ABCA13: variants seen among roughly 807,000 people sequenced by gnomAD.
ABCA13 encodes ATP binding cassette subfamily A member 13, also known as ATP-binding cassette sub-family A member 13.
ABCA13 carries 476 observed loss-of-function variants against 478.7 expected under a neutral mutation model. That is an observed-to-expected ratio of 0.99 (90% CI 0.92 to 1.07). ABCA13 has a LOEUF of 1.07. Among genes scored for constraint, ABCA13 ranks in the 50% least tolerant of loss-of-function variants. The pLI is 0.00. For missense variants in ABCA13, 6,060 were observed against 5,910.6 expected (o/e 1.03, Z -0.83); for synonymous variants, 2,252 against 2,158.9 (o/e 1.04, Z -1.20).
At chr7:48,476,756 A>G (rs1828138291) in intron 45 of ABCA13, among the ~76,000 whole-genome samples, 1 of 152,150 alleles carries the variant, frequency 6.6e-6, no homozygotes, top group Non-Finnish European at 1.5e-5. Context: ...GAAACTTCTA[A>G]GGAAATATAT....
chr7:48,313,184 C>A lies in ABCA13; in HGVS notation c.9634C>A (p.His3212Asn), dbSNP rs377099527. Reference sequence around the variant, plus strand: ...CTTTGAGTATCTTCCTGAGTTTCTTCACACATTTAAAATCACTGCCTTGCT... The same window carrying A: ...CTTTGAGTATCTTCCTGAGTTTCTTAACACATTTAAAATCACTGCCTTGCT... ...HVFEYLPEFL[H>N]TFKITALLET... Residue 3212 changes from histidine to asparagine, a missense_variant, in exon 25 of 62, where the codon CAC becomes AAC. Coordinates refer to ENST00000435803, the MANE Select transcript of ABCA13 (RefSeq NM_152701.5). 6.2e-7 allele frequency: 1 copy of A among 1,612,612 alleles called. No homozygotes were observed. The highest frequency in any genetic ancestry group is 1.7e-5 in the Admixed American group (1 of 59,874).
Position 48,412,515 on chromosome 7 carries a change from G to T in ABCA13, c.12391G>T (p.Ala4131Ser), listed in dbSNP as rs773428244. 8 of 1,613,446 alleles carry T rather than the reference G, an allele frequency of 5.0e-6. No homozygotes were observed. In the South Asian group the frequency reaches 8.8e-5, roughly 18 times the overall value. ...GGCCTGCTTGAAAGGGCTCTTCCAG[G>T]CCCTGGATGAGAACCTGCATCAGCT... ...DKACLKGLFQ[A>S]LDENLHQLHL... Residue 4131 changes from alanine to serine, a missense_variant, in exon 41 of 62, where the codon GCC (alanine) becomes TCC (serine). Ala to Ser is a moderately conservative substitution (Grantham distance 99). Transcript: ENST00000435803.
chr7:48,640,618 A>G (rs1410592692), intron 59 of ABCA13, among the ~76,000 whole-genome samples: 1 of 152,240 alleles, frequency 6.6e-6, no homozygotes, highest in Non-Finnish European at 1.5e-5. Flanking sequence ...ATGAGTGAAC[A>G]TAGAAATAAA....
In ABCA13 at chr7:48,508,155, T is replaced by C. The variant is rs1018825606; in HGVS notation, c.13524+106T>C. ...TTGGGGCCCTGGCTGCCTTGGAGTG[T>C]CCACAAAAAGGGGTCATCTTATTGA... On this transcript the variant is annotated intron_variant, in intron 50 of 61. Coordinates refer to ENST00000435803, the MANE Select transcript of ABCA13 (RefSeq NM_152701.5). 4.3e-5 allele frequency: 61 copies of C among 1,415,766 alleles called. No homozygotes were observed. The Admixed American group carries it at 1.2e-3, about 29-fold the overall frequency. The allele number at this position is 1,415,766 out of a possible 1,614,324, so 87.7% of individuals were successfully genotyped here. A position where few individuals can be genotyped will look rare whatever the true frequency, so the allele number is the denominator to read the frequency against.
At chr7:48,316,070 G>C (rs1190255089) in intron 26 of ABCA13, among the ~76,000 whole-genome samples, 3 of 152,040 alleles carry the variant, frequency 2.0e-5, no homozygotes, top group African/African-American at 7.2e-5. Flanking sequence ...ATAAGATTTA[G>C]TTCCTACTCA....
At chr7:48,264,795 T>A (rs1275101257) in intron 15 of ABCA13, among the ~76,000 whole-genome samples, 3 of 151,704 alleles carry the variant, frequency 2.0e-5, no homozygotes, top group African/African-American at 4.8e-5. Context: ...TTGTTTATTT[T>A]TTTTGTTTGT....
intron 29 of ABCA13, among the ~76,000 whole-genome samples, chr7:48,341,853 T>A (rs1462108069): frequency 7.1e-6 from 1 of 140,632 alleles, no homozygotes; most frequent in African/African-American, 2.6e-5. Context: ...TATATATCTT[T>A]CTGATATATA....
rs1585871977 is a variant in ABCA13 at position 48,580,243 on chromosome 7, TCTGCTGGCACGGCAGG to T, written c.14376_14391del (p.Ala4793CysfsTer16). On this transcript the variant is annotated frameshift_variant, in exon 56 of 62. Transcript: ENST00000435803. LOFTEE classifies it high-confidence loss of function. ...CTGCAGAGACGCCGTGGACCTGTCTTCTGCTGGCACGGCAGGCGTGCTCATTGGCTACTGTCCCCAG... is the reference window on the plus strand; with the variant it reads ...CTGCAGAGACGCCGTGGACCTGTCTTCGTGCTCATTGGCTACTGTCCCCAG... 20 of 1,611,366 alleles carry T rather than the reference TCTGCTGGCACGGCAGG, an allele frequency of 1.2e-5. No homozygotes were observed. Among genetic ancestry groups the T allele is most frequent in the Non-Finnish European group, 1.7e-5 (20 of 1,178,924 alleles).
At chr7:48,255,154 A>T (rs1481877835) in intron 15 of ABCA13, among the ~76,000 whole-genome samples, 1 of 152,166 alleles carries the variant, frequency 6.6e-6, no homozygotes, top group Non-Finnish European at 1.5e-5. Context: ...CAAAGCTGTC[A>T]TGTCACTAAC....
At chr7:48,462,119 TC>T (rs1826312946) in intron 43 of ABCA13, among the ~76,000 whole-genome samples, 1 of 152,182 alleles carries the variant, frequency 6.6e-6, no homozygotes, top group African/African-American at 2.4e-5. Context: ...AGAGAAAGTT[TC>T]TTCTCTTGTA....
Position 48,242,038 on chromosome 7 carries a change from A to T in ABCA13, c.1262+972A>T, listed in dbSNP as rs142280115. Reference sequence around the variant, plus strand: ...ATGCCTTGAAGTAGTGTTCTAGGCAAAGGGCAGGGACAAAACATCTGTCAT... The same window carrying T: ...ATGCCTTGAAGTAGTGTTCTAGGCATAGGGCAGGGACAAAACATCTGTCAT... On this transcript the variant is annotated intron_variant, in intron 10 of 61. Coordinates refer to ENST00000435803, the MANE Select transcript of ABCA13 (RefSeq NM_152701.5). Among the ~76,000 whole-genome samples the T allele has an allele frequency of 1.9e-4, 29 of 152,326 alleles. No individual in the cohort carries two copies. In the East Asian group the frequency reaches 5.6e-3, roughly 29 times the overall value.
chr7:48,275,475 G>T lies in ABCA13; in HGVS notation c.5809G>T (p.Asp1937Tyr), dbSNP rs781221624. 6.2e-7 allele frequency: 1 copy of T among 1,613,826 alleles called. No homozygotes were observed. Among genetic ancestry groups the T allele is most frequent in the Non-Finnish European group, 8.5e-7 (1 of 1,179,856 alleles). The stretch of plus-strand genomic sequence containing the variant: ...CCCACCTTCAATAAATCAAACTAGG[G>T]ATAGCATCTCTGAACTCTGTCCTAG... ...FVPPSINQTR[D>Y]SISELCPSGS... The change falls in exon 17 of 62, where the codon GAT becomes TAT. Residue 1937 changes from aspartate (D) to tyrosine (Y), a missense_variant. Around this residue, in one of 3 missense-constraint regions of ABCA13, gnomAD observed 4,423 missense variants for 4,309.1 expected, o/e 1.03. Coordinates refer to ENST00000435803, the MANE Select transcript of ABCA13 (RefSeq NM_152701.5).
intron 39 of ABCA13, among the ~76,000 whole-genome samples, chr7:48,407,334 G>T (rs187207587): frequency 6.6e-6 from 1 of 151,658 alleles, no homozygotes; most frequent in East Asian, 2.0e-4. Context: ...AAATTAACCA[G>T]GTGTGGTGGT....
rs1378821703 is a variant in ABCA13 at position 48,278,706 on chromosome 7, G to A, written c.7512G>A (p.Met2504Ile). The A allele has an allele frequency of 1.9e-6, 3 of 1,613,918 alleles. No individual in the cohort carries two copies. Among genetic ancestry groups the A allele is most frequent in the Non-Finnish European group, 2.5e-6 (3 of 1,179,804 alleles). Residue 2504 changes from methionine to isoleucine, a missense_variant, in exon 18 of 62, where the codon ATG becomes ATA. Transcript: ENST00000435803. ...TAGAAATGTCTGGGACTCTGGTCAT[G>A]CTGTTGAATGACAGTGCTGACCTGA... ...PLLEMSGTLV[M>I]LLNDSADLRD...
Position 48,293,192 on chromosome 7 carries a change from G to GCCCCCCCCCCCCCCC in ABCA13, c.8956-2498_8956-2497insCCCCCCCCCCCCCCC, listed in dbSNP as rs367570188. Among the ~76,000 whole-genome samples the GCCCCCCCCCCCCCCC allele has an allele frequency of 6.0e-4, 65 of 108,262 alleles. 6 individuals carry two copies. The highest frequency in any genetic ancestry group is 1.7e-3 in the East Asian group (4 of 2,412). 71.0% of individuals were successfully genotyped at this position (108,262 alleles called of 152,430 possible). A position where few individuals can be genotyped will look rare whatever the true frequency, so the allele number is the denominator to read the frequency against. On this transcript the variant is annotated intron_variant, in intron 20 of 61. Transcript: ENST00000435803. ...TTCATCATTTCCTGAGAAGTCTTCA[G>GCCCCCCCCCCCCCCC]CCCCCCCCCCGCCACACACACACTA...
At chr7:48,257,378 C>G (rs1262822585) in intron 15 of ABCA13, among the ~76,000 whole-genome samples, 1 of 152,072 alleles carries the variant, frequency 6.6e-6, no homozygotes. Flanking sequence ...TGTCCTGTTA[C>G]AGTTCTAAAG....
At chr7:48,630,842 A>T in intron 59 of ABCA13, among the ~76,000 whole-genome samples, 1 of 150,172 alleles carries the variant, frequency 6.7e-6, no homozygotes. Flanking sequence ...TTTTAATAAT[A>T]GCCATCCTGA....
chr7:48,644,556 T>A, intron 60 of ABCA13, 61 bp from the exon 61 acceptor site: 1 of 1,512,492 alleles, frequency 6.6e-7, no homozygotes, highest in Non-Finnish European at 8.9e-7. Context: ...TGTAGTATGA[T>A]CAATTTTGTT....
At position 48,250,593 on chromosome 7, in the gene ABCA13, T is replaced by C. The variant is rs80332834; in HGVS notation, c.2005+1242T>C. 5.6e-3 allele frequency among the ~76,000 whole-genome samples: 851 copies of C among 152,244 alleles called. 4 individuals carry two copies. The highest frequency in any genetic ancestry group is 0.019 in the African/African-American group (805 of 41,524). Reference sequence around the variant, plus strand: ...GAAACAATGGCCTAGACCAAATATATATGTATGTTTTTATTATGTTAATGG... The same window carrying C: ...GAAACAATGGCCTAGACCAAATATACATGTATGTTTTTATTATGTTAATGG... On this transcript the variant is annotated intron_variant, in intron 15 of 61. Coordinates refer to ENST00000435803, the MANE Select transcript of ABCA13 (RefSeq NM_152701.5).
Sources: gnomAD v4.1 joint callset for allele counts (sites outside exome capture counted in the v4.1 genomes callset) on GRCh38, gnomAD v4.1.1 for gene constraint, gnomAD v4.1.1 regional missense constraint, MANE v1.5 for transcripts, NCBI Gene and HGNC (gene_info 2026-07-23, HGNC 2026-07-21) for gene names.